The following ZNF677 variants were observed in gnomAD, a reference collection of about 807,000 sequenced individuals.
ZNF677 encodes the protein zinc finger protein 677, also known as hypothetical protein MGC48625.
A neutral mutation model predicts 8.1 loss-of-function variants in ZNF677; 5 were observed. That is an observed-to-expected ratio of 0.62 (90% CI 0.32 to 1.29). The LOEUF (loss-of-function observed/expected upper bound fraction) is 1.29, where lower values mean the gene tolerates loss of function less well. ZNF677 is among the 50% of genes most tolerant of loss of function. The probability of loss-of-function intolerance (pLI) is 0.05; values close to 1 mark genes in which losing one functional copy is unlikely to be tolerated. For missense variants in ZNF677, 685 were observed against 685.9 expected, an observed-to-expected ratio of 1.00 and a Z score of 0.01; for synonymous variants, 221 against 225.6, an observed-to-expected ratio of 0.98 and a Z score of 0.18.
chr19:53,244,518 C>T (rs2091105945), intron 3 of ZNF677, among the ~76,000 whole-genome samples: 2 of 152,214 alleles, frequency 1.3e-5, no homozygotes, highest in African/African-American at 4.8e-5. Context: ...CCCCATGTGA[C>T]TTTAACATGA....
chr19:53,250,676 G>A (rs2146967741), intron 3 of ZNF677, among the ~76,000 whole-genome samples: 1 of 152,326 alleles, frequency 6.6e-6, no homozygotes, highest in South Asian at 2.1e-4. Context: ...ATCAGGGATG[G>A]AGGGTGGGAG....
At chr19:53,252,089 T>C (rs1599926228) in intron 2 of ZNF677, among the ~76,000 whole-genome samples, 1 of 152,164 alleles carries the variant, frequency 6.6e-6, no homozygotes, top group African/African-American at 2.4e-5. Flanking sequence ...AACTTAAGAC[T>C]TACTTCTGAT....
chr19:53,253,772 T>A (rs926531534), intron 1 of ZNF677, among the ~76,000 whole-genome samples: 6 of 152,014 alleles, frequency 3.9e-5, no homozygotes, highest in East Asian at 1.9e-4. Flanking sequence ...GAAAATACTT[T>A]GAAAATTTTT....
At chr19:53,246,984 T>A (rs1337109192) in intron 3 of ZNF677, among the ~76,000 whole-genome samples, 1 of 152,172 alleles carries the variant, frequency 6.6e-6, no homozygotes, top group Non-Finnish European at 1.5e-5. Context: ...ATCTCCAAAC[T>A]CATCAAATTG....
intron 3 of ZNF677, among the ~76,000 whole-genome samples, chr19:53,247,179 A>C (rs899959616): frequency 1.3e-5 from 2 of 152,200 alleles, no homozygotes; most frequent in Non-Finnish European, 2.9e-5. Flanking sequence ...GTGGCCTGAC[A>C]TGTGGTCCAT....
intron 3 of ZNF677, among the ~76,000 whole-genome samples, chr19:53,246,317 C>CA (rs59756987): frequency 8.2e-6 from 1 of 122,172 alleles, no homozygotes. Flanking sequence ...GACTCCGTCC[C>CA]AAAAAAAAAG....
intron 2 of ZNF677, 144 bp downstream of exon 2, chr19:53,252,942 C>T (rs2091257646): frequency 6.6e-6 from 1 of 152,052 alleles, no homozygotes; most frequent in Non-Finnish European, 1.5e-5. Flanking sequence ...CCATTGTTGA[C>T]CAGAAGTCTA....
Position 53,237,916 on chromosome 19 carries a change from C to T in ZNF677, c.811G>A (p.Ala271Thr). 1.2e-6 allele frequency: 2 copies of T among 1,612,556 alleles called. No homozygotes were observed. Among genetic ancestry groups the T allele is most frequent in the Non-Finnish European group, 1.7e-6 (2 of 1,179,956 alleles). Residue 271 changes from alanine to threonine, a missense_variant, in exon 5 of 5, where the codon GCT becomes ACT. Coordinates refer to ENST00000598513, the MANE Select transcript of ZNF677 (RefSeq NM_182609.4). Reference sequence around the variant, plus strand: ...GTGAGGTTCGAACTTTTGCTAAAAGCCTTTCCACAGTCATTACACTTGTAT... The same window carrying T: ...GTGAGGTTCGAACTTTTGCTAAAAGTCTTTCCACAGTCATTACACTTGTAT... ...KSYKCNDCGK[A>T]FSKSSNLTNH...
At chr19:53,242,858 G>A (rs1315705135) in intron 4 of ZNF677, 1 of 153,348 alleles carries the variant, frequency 6.5e-6, no homozygotes, top group Non-Finnish European at 1.5e-5. Context: ...TCAAAACCAA[G>A]AGACCAAAAT....
At chr19:53,244,963 G>A (rs932282134) in intron 3 of ZNF677, among the ~76,000 whole-genome samples, 3 of 152,142 alleles carry the variant, frequency 2.0e-5, no homozygotes, top group African/African-American at 7.2e-5. Context: ...ACAATCAACT[G>A]ATATTTGACA....
Position 53,251,556 on chromosome 19 carries a change from C to T in ZNF677, c.-6G>A. On this transcript the variant is annotated 5_prime_UTR_variant, in exon 3 of 5. Coordinates refer to ENST00000598513, the MANE Select transcript of ZNF677 (RefSeq NM_182609.4). ...TTTACCTGAGAAAGAGCCATTCCCTCCTCTTCTTTCTTTCCTCTTCCTCTG... is the reference window on the plus strand; with the variant it reads ...TTTACCTGAGAAAGAGCCATTCCCTTCTCTTCTTTCTTTCCTCTTCCTCTG... 1 of 1,613,748 alleles carries T rather than the reference C, an allele frequency of 6.2e-7. No homozygotes were observed. Among genetic ancestry groups the T allele is most frequent in the Non-Finnish European group, 8.5e-7 (1 of 1,179,716 alleles).
intron 3 of ZNF677, chr19:53,249,071 T>A (rs1002492707): frequency 6.6e-6 from 1 of 152,218 alleles, no homozygotes; most frequent in African/African-American, 2.4e-5. Flanking sequence ...CTTGAAACTT[T>A]ATAGTTGAAA....
intron 4 of ZNF677, chr19:53,241,353 AG>A (rs1338921715): frequency 6.5e-6 from 1 of 152,676 alleles, no homozygotes; most frequent in Non-Finnish European, 1.5e-5. Context: ...TGAAAGTGTC[AG>A]TGGCTTAACC....
At position 53,243,807 on chromosome 19, in the gene ZNF677, C is replaced by A; in HGVS notation, c.106G>T (p.Val36Leu). 6.2e-7 allele frequency: 1 copy of A among 1,614,180 alleles called. No homozygotes were observed. The highest frequency in any genetic ancestry group is 1.7e-5 in the Admixed American group (1 of 60,028). Residue 36 changes from valine (V) to leucine (L), a missense_variant, in exon 4 of 5, where the codon GTG becomes TTG. Coordinates refer to ENST00000598513, the MANE Select transcript of ZNF677 (RefSeq NM_182609.4). ...DPAQRALYRD[V>L]MLENYRNLLS... is the part of the protein sequence containing the mutation. ...AGGTTCCTGTAGTTCTCCAACATCA[C>A]GTCCCTGTACAAGGCCCTCTGGGCA...
At chr19:53,248,976 T>C (rs1416886545) in intron 3 of ZNF677, 1 of 152,202 alleles carries the variant, frequency 6.6e-6, no homozygotes, top group African/African-American at 2.4e-5. Context: ...ATATTGTATT[T>C]TTCTTCCCTT....
chr19:53,237,746 G>C lies in ZNF677; in HGVS notation c.981C>G (p.Val327=). 1 of 1,613,726 alleles carries C rather than the reference G, an allele frequency of 6.2e-7. No homozygotes were observed. The highest frequency in any genetic ancestry group is 8.5e-7 in the Non-Finnish European group (1 of 1,179,902). Residue 327 remains valine, a synonymous_variant, in exon 5 of 5, where the codon GTC becomes GTG. Transcript: ENST00000598513. ...KPYQCNICGK[V]CSQNSNLASH... is the part of the protein sequence containing the mutation. ...TTGCAAGATTTGAATTTTGACTACA[G>C]ACCTTGCCACATATATTACATTGAT...
In ZNF677 at chr19:53,243,867, C is replaced by T. The variant is rs562867914; in HGVS notation, c.46G>A (p.Glu16Lys). ...GLFTFKDVAI[E>K]FSQEEWECLD... ...CACTCCCACTCCTCTTGAGAGAATT[C>T]TATGGCCACATCCTTGAATGTAAAC... The change falls in exon 4 of 5, where the codon GAA (glutamate) becomes AAA (lysine). Residue 16 changes from glutamate to lysine, a missense_variant. Coordinates refer to ENST00000598513, the MANE Select transcript of ZNF677 (RefSeq NM_182609.4). 3.7e-6 allele frequency: 6 copies of T among 1,609,546 alleles called. No individual in the cohort carries two copies. The highest frequency in any genetic ancestry group is 1.7e-5 in the Admixed American group (1 of 58,556).
chr19:53,254,647 C>A (rs1232566130), intron 1 of ZNF677, 187 bp downstream of exon 1: 1 of 152,248 alleles, frequency 6.6e-6, no homozygotes, highest in African/African-American at 2.4e-5. Flanking sequence ...CGATTTTAAT[C>A]CGAAATGGAC....
At chr19:53,244,459 A>C (rs2091104561) in intron 3 of ZNF677, among the ~76,000 whole-genome samples, 1 of 152,206 alleles carries the variant, frequency 6.6e-6, no homozygotes, top group Admixed American at 6.5e-5. Flanking sequence ...TAGTTCAAAA[A>C]CATTTTTATC....
Sources: gnomAD v4.1 joint callset for allele counts (sites outside exome capture counted in the v4.1 genomes callset) on GRCh38, gnomAD v4.1.1 for gene constraint, MANE v1.5 for transcripts, NCBI Gene and HGNC (gene_info 2026-07-23, HGNC 2026-07-21) for gene names.